The following FBXL17 variants were observed in gnomAD, a reference collection of about 807,000 sequenced individuals.
The protein encoded by FBXL17 is F-box/LRR-repeat protein 17.
In FBXL17, 22 loss-of-function variants were observed where a neutral mutation model predicts 66.2. The ratio of observed to expected loss-of-function variants is 0.33; its 90% confidence interval spans 0.24 to 0.47. FBXL17 has a LOEUF of 0.47. Among genes scored for constraint, FBXL17 ranks in the 20% least tolerant of loss-of-function variants. The pLI is 1.00. For synonymous variants in FBXL17, 474 were observed against 400.5 expected, an observed-to-expected ratio of 1.18 and a Z score of -2.19; for missense variants, 878 against 948.2, an observed-to-expected ratio of 0.93 and a Z score of 0.97.
chr5:108,012,453 G>A (rs1047010784), intron 7 of FBXL17, among the ~76,000 whole-genome samples: 1 of 152,116 alleles, frequency 6.6e-6, no homozygotes, highest in Non-Finnish European at 1.5e-5. Flanking sequence ...TAGATCTCAT[G>A]GGGTAGCGCT....
intron 7 of FBXL17, among the ~76,000 whole-genome samples, chr5:107,889,957 G>A (rs982447603): frequency 6.6e-5 from 10 of 152,058 alleles, no homozygotes; most frequent in Non-Finnish European, 1.5e-4. Flanking sequence ...GTTTTCAGTG[G>A]TGCTGTATTT....
chr5:108,211,424 T>C (rs1754366045), intron 5 of FBXL17, among the ~76,000 whole-genome samples: 1 of 152,218 alleles, frequency 6.6e-6, no homozygotes, highest in Non-Finnish European at 1.5e-5. Context: ...ATAGTATCGA[T>C]GTTCTTTACA....
At chr5:108,293,604 C>T (rs1317709906) in intron 4 of FBXL17, among the ~76,000 whole-genome samples, 1 of 152,120 alleles carries the variant, frequency 6.6e-6, no homozygotes, top group Admixed American at 6.6e-5. Context: ...ATAAACCAGA[C>T]TTGCTTGCTA....
chr5:108,065,168 AT>A (rs1446495592), intron 6 of FBXL17, among the ~76,000 whole-genome samples: 1 of 152,126 alleles, frequency 6.6e-6, no homozygotes, highest in East Asian at 1.9e-4. Flanking sequence ...GTGTGTATGT[AT>A]ATGGGTATGA....
intron 6 of FBXL17, among the ~76,000 whole-genome samples, chr5:108,145,212 G>T (rs1379150478): frequency 2.0e-5 from 3 of 152,076 alleles, no homozygotes; most frequent in Non-Finnish European, 4.4e-5. Context: ...GAAGTTTACT[G>T]GTCAGATAAT....
At chr5:108,136,598 G>A (rs1751144215) in intron 6 of FBXL17, among the ~76,000 whole-genome samples, 1 of 152,146 alleles carries the variant, frequency 6.6e-6, no homozygotes, top group Non-Finnish European at 1.5e-5. Flanking sequence ...GTGGTACTTA[G>A]TGGGACCCTC....
chr5:108,381,011 ACCGCCGCCGCCGCCGCCG>A lies in FBXL17; in HGVS notation c.663_680del (p.Gly226_Gly231del), dbSNP rs906102490. The A allele has an allele frequency of 1.7e-6, 2 of 1,180,598 alleles. No individual in the cohort carries two copies. The highest frequency in any genetic ancestry group is 2.1e-6 in the Non-Finnish European group (2 of 954,840). The allele number at this position is 1,180,598 out of a possible 1,614,324, so 73.1% of individuals were successfully genotyped here. On this transcript the variant is annotated inframe_deletion, in exon 1 of 9. Coordinates refer to ENST00000542267, the MANE Select transcript of FBXL17 (RefSeq NM_001163315.3). ...CTCCCCCCGCAGGCCCTCCCCCGCC[ACCGCCGCCGCCGCCGCCG>A]CCGCAGCCCCCGCCGCCGCAGCGGG...
At chr5:108,163,430 T>G (rs1752294313) in intron 6 of FBXL17, among the ~76,000 whole-genome samples, 1 of 146,824 alleles carries the variant, frequency 6.8e-6, no homozygotes. Context: ...AGACAGAGTC[T>G]TGGTCTGTCG....
At chr5:108,317,775 T>C (rs988337801) in intron 4 of FBXL17, among the ~76,000 whole-genome samples, 8 of 151,402 alleles carry the variant, frequency 5.3e-5, no homozygotes, top group Non-Finnish European at 8.9e-5. Context: ...AAGACCTACA[T>C]AGAATTTCTG....
rs576272701 is a variant in FBXL17, at chr5:107,881,489, T to A, written c.1823-310A>T. Among the ~76,000 whole-genome samples the A allele has an allele frequency of 9.8e-5, 15 of 152,300 alleles. No homozygotes were observed. The South Asian group carries it at 3.1e-3, about 32-fold the overall frequency. ...GCAGAAGGAATAAATTAAAATGTAT[T>A]ACAGATACAACATTTAAAAAAACCC... On this transcript the variant is annotated intron_variant, in intron 7 of 8. Transcript: ENST00000542267.
chr5:108,028,942 A>G (rs1463769001), intron 6 of FBXL17, among the ~76,000 whole-genome samples: 1 of 152,180 alleles, frequency 6.6e-6, no homozygotes, highest in Admixed American at 6.6e-5. Context: ...AATGCAATGA[A>G]GACGGTACCT....
chr5:108,019,930 T>TAAA (rs61598228), intron 7 of FBXL17, among the ~76,000 whole-genome samples: 11 of 149,818 alleles, frequency 7.3e-5, no homozygotes, highest in East Asian at 1.9e-4. Context: ...TTTCTAAATG[T>TAAA]AAAAAAAAAA....
At chr5:108,018,155 A>G (rs919688785) in intron 7 of FBXL17, among the ~76,000 whole-genome samples, 2 of 152,186 alleles carry the variant, frequency 1.3e-5, no homozygotes, top group African/African-American at 4.8e-5. Context: ...CGAGTAAAGC[A>G]ATAGGAAGCA....
rs111595555 is a variant in FBXL17 at position 108,170,694 on chromosome 5, C to G, written c.1745+15423G>C. Among the ~76,000 whole-genome samples, 114 of 151,956 alleles carry G rather than the reference C, an allele frequency of 7.5e-4. 3 individuals carry two copies. The highest frequency in any genetic ancestry group is 3.1e-4 in the Non-Finnish European group (21 of 68,008). On this transcript the variant is annotated intron_variant, in intron 6 of 8. Coordinates refer to ENST00000542267, the MANE Select transcript of FBXL17 (RefSeq NM_001163315.3). ...GACTATAAGTGTCTGCCACCAGGCC[C>G]GGCTAATTTTTGTATTTTCAGTAGA...
At chr5:108,314,654 GA>G (rs1025349155) in intron 4 of FBXL17, among the ~76,000 whole-genome samples, 5 of 149,314 alleles carry the variant, frequency 3.3e-5, no homozygotes, top group East Asian at 2.0e-4. Context: ...AGAACAACCA[GA>G]AAAAAAAATC....
At chr5:108,109,592 A>C (rs904182752) in intron 6 of FBXL17, among the ~76,000 whole-genome samples, 1 of 152,028 alleles carries the variant, frequency 6.6e-6, no homozygotes, top group Non-Finnish European at 1.5e-5. Flanking sequence ...ATTTAAATAC[A>C]TTTGTATGTT....
At chr5:108,332,893 C>T (rs2150241035) in intron 4 of FBXL17, among the ~76,000 whole-genome samples, 1 of 129,784 alleles carries the variant, frequency 7.7e-6, no homozygotes, top group South Asian at 2.5e-4. Flanking sequence ...CAGGCGTGAG[C>T]CAAGTGGCCA....
chr5:107,899,605 C>G (rs1328928376), intron 7 of FBXL17, among the ~76,000 whole-genome samples: 2 of 152,112 alleles, frequency 1.3e-5, no homozygotes, highest in Non-Finnish European at 2.9e-5. Context: ...GCACTGCACT[C>G]CAGTCCTCTT....
chr5:107,925,378 T>C (rs188568592), intron 7 of FBXL17, among the ~76,000 whole-genome samples: 1 of 152,338 alleles, frequency 6.6e-6, no homozygotes, highest in East Asian at 1.9e-4. Flanking sequence ...GGTGAAGATC[T>C]ATGTAGCAGA....
Sources: allele counts gnomAD v4.1 joint callset (sites outside exome capture counted in the v4.1 genomes callset), GRCh38; gene constraint gnomAD v4.1.1; transcripts MANE v1.5; gene names NCBI Gene and HGNC (gene_info 2026-07-23, HGNC 2026-07-21).